TRIM28: variants seen among roughly 807,000 people sequenced by gnomAD.
TRIM28 encodes the protein tripartite motif containing 28.
Under a neutral mutation model 87.4 loss-of-function variants are expected in TRIM28, and 8 were observed. The ratio of observed to expected loss-of-function variants is 0.09; its 90% CI spans 0.05 to 0.17. The LOEUF is 0.17. Ranked by LOEUF, TRIM28 falls within the 10% of genes least tolerant of loss-of-function variation. TRIM28 has a pLI of 1.00. For missense variants in TRIM28, 968 were observed against 1,131.8 expected (o/e 0.86, Z 2.08); for synonymous variants, 601 against 454.3 (o/e 1.32, Z -4.11).
At position 58,549,439 on chromosome 19, in the gene TRIM28, C is replaced by T. The variant is rs750720339; in HGVS notation, c.1771C>T (p.Arg591Cys). The change falls in exon 13 of 17, where the codon CGC becomes TGC. Residue 591 changes from arginine (R) to cysteine (C), a missense_variant. Arg to Cys is a radical substitution (Grantham distance 180, BLOSUM62 -3). Transcript: ENST00000253024. This position sits in a 1 kb window ranked among gnomAD's most constrained non-coding sequence, Gnocchi z 4.4. ...LAEGPGAEGP[R>C]LASPSGSTSS... ...GGAGGGTCCTGGTGCTGAGGGTCCCCGCCTGGCCTCACCTAGTGGCAGCAC... is the reference window on the plus strand; with the variant it reads ...GGAGGGTCCTGGTGCTGAGGGTCCCTGCCTGGCCTCACCTAGTGGCAGCAC... The T allele has an allele frequency of 3.0e-5, 49 of 1,608,808 alleles. No individual in the cohort carries two copies. Among genetic ancestry groups the T allele is most frequent in the African/African-American group, 1.5e-4 (11 of 74,832 alleles).
intron 10 of TRIM28, 42 bp from the exon 11 acceptor site, chr19:58,548,820 T>C: frequency 5.0e-6 from 8 of 1,614,014 alleles, no homozygotes; most frequent in Non-Finnish European, 6.8e-6. Context: ...CCCAGTGCTG[T>C]TTCTACCCCA....
intron 3 of TRIM28, among the ~76,000 whole-genome samples, chr19:58,546,842 C>T (rs2053765363): frequency 6.6e-6 from 1 of 152,082 alleles, no homozygotes; most frequent in Non-Finnish European, 1.5e-5. Context: ...GACCACCATT[C>T]TGAGGGTCCT....
Position 58,548,562 on chromosome 19 carries a change from C to A in TRIM28, c.1293C>A (p.Pro431=), listed in dbSNP as rs940616449. 7 of 1,613,646 alleles carry A rather than the reference C, an allele frequency of 4.3e-6. No homozygotes were observed. In the African/African-American group the frequency reaches 9.3e-5, roughly 22 times the overall value. The part of the protein sequence containing the change: ...APMAPPRAPG[P]LSKQGSGSSQ... ...TGGCCCCTCCAAGAGCCCCAGGGCC[C>A]CTGAGCAAGCAGGGCTCTGGCAGCA... The change falls in exon 9 of 17, where the codon CCC becomes CCA. Residue 431 remains proline, a synonymous_variant. Coordinates refer to ENST00000253024, the MANE Select transcript of TRIM28 (RefSeq NM_005762.3).
intron 3 of TRIM28, 163 bp from the exon 4 acceptor site, chr19:58,547,213 T>G: frequency 2.4e-6 from 2 of 819,456 alleles, no homozygotes; most frequent in Non-Finnish European, 3.8e-6. Flanking sequence ...AGCAAGGAGT[T>G]GGGCTTGCAG....
intron 5 of TRIM28, 22 bp from the exon 6 acceptor site, chr19:58,547,770 C>T: frequency 1.2e-6 from 2 of 1,613,906 alleles, no homozygotes; most frequent in South Asian, 1.1e-5. Flanking sequence ...CCCTACCTAG[C>T]CTGACCTGCT....
At chr19:58,547,337 T>G in intron 3 of TRIM28, 39 bp from the exon 4 acceptor site, 1 of 1,600,212 alleles carries the variant, frequency 6.2e-7, no homozygotes, top group Non-Finnish European at 8.6e-7. Flanking sequence ...TTGGGGGTGG[T>G]GAAGGGCAAG....
chr19:58,550,245 T>C lies in TRIM28; in HGVS notation c.2292T>C (p.Asp764=). 5 of 1,614,038 alleles carry C rather than the reference T, an allele frequency of 3.1e-6. No homozygotes were observed. In the South Asian group the frequency reaches 4.4e-5, roughly 14 times the overall value. ...GCTCCCCACAGGAGTTTGCCCAGGA[T>C]GTGGGCCGCATGTTCAAGCAATTCA... ...PYSSPQEFAQ[D]VGRMFKQFNK... Residue 764 remains aspartate, a synonymous_variant, in exon 16 of 17, where the codon GAT becomes GAC. Coordinates refer to ENST00000253024, the MANE Select transcript of TRIM28 (RefSeq NM_005762.3).
In TRIM28 at chr19:58,545,114, C is replaced by A. The variant is rs975855929; in HGVS notation, c.340+17C>A. The stretch of plus-strand genomic sequence containing the variant: ...ACGGCACCGGTAAGTACGAAGTGAT[C>A]GGTGCCACCCCTCCCCCTACTCTCT... On this transcript the variant is annotated intron_variant, in intron 1 of 16. Coordinates refer to ENST00000253024, the MANE Select transcript of TRIM28 (RefSeq NM_005762.3). 2 of 1,392,452 alleles carry A rather than the reference C, an allele frequency of 1.4e-6. No homozygotes were observed. Among genetic ancestry groups the A allele is most frequent in the South Asian group, 1.6e-5 (1 of 63,292 alleles). 86.3% of individuals were successfully genotyped at this position (1,392,452 alleles called of 1,614,324 possible).
chr19:58,545,055 G>T lies in TRIM28; in HGVS notation c.298G>T (p.Ala100Ser). Residue 100 changes from alanine (A) to serine (S), a missense_variant, in exon 1 of 17, where the codon GCC becomes TCC. By Grantham distance (99) the Ala-to-Ser change is moderately conservative. Transcript: ENST00000253024. ...ACLGPAAPAA[A>S]NSSGDGGAAG... Reference sequence around the variant, plus strand: ...CTTAGGGCCCGCGGCCCCCGCCGCCGCCAACAGCTCGGGGGACGGCGGGGC... The same window carrying T: ...CTTAGGGCCCGCGGCCCCCGCCGCCTCCAACAGCTCGGGGGACGGCGGGGC... The T allele has an allele frequency of 6.9e-7, 1 of 1,456,428 alleles. No homozygotes were observed. The highest frequency in any genetic ancestry group is 1.5e-5 in the African/African-American group (1 of 68,062). 90.2% of individuals were successfully genotyped at this position (1,456,428 alleles called of 1,614,324 possible). A position where few individuals can be genotyped will look rare whatever the true frequency, so the allele number is the denominator to read the frequency against.
chr19:58,547,756 A>C (rs1235703469), intron 5 of TRIM28, 36 bp from the exon 6 acceptor site: 1 of 1,613,782 alleles, frequency 6.2e-7, no homozygotes, highest in East Asian at 2.2e-5. Flanking sequence ...CCAGGGCAGC[A>C]AGACCCTACC....
Position 58,548,528 on chromosome 19 carries a change from C to T in TRIM28, c.1259C>T (p.Pro420Leu). The T allele has an allele frequency of 6.2e-7, 1 of 1,614,052 alleles. No homozygotes were observed. The highest frequency in any genetic ancestry group is 8.5e-7 in the Non-Finnish European group (1 of 1,180,028). Residue 420 changes from proline to leucine, a missense_variant, in exon 9 of 17, where the codon CCT becomes CTT. Pro to Leu is a moderately conservative substitution (Grantham distance 98). Around this residue, in one of 11 missense-constraint regions of TRIM28, gnomAD observed 119 missense variants for 93.6 expected, o/e 1.27. Coordinates refer to ENST00000253024, the MANE Select transcript of TRIM28 (RefSeq NM_005762.3). The stretch of plus-strand genomic sequence containing the variant: ...CGTCCTGGCACTAACTCAACAGGCC[C>T]TGCACCCATGGCCCCTCCAAGAGCC... ...AERPGTNSTG[P>L]APMAPPRAPG...
At chr19:58,545,683 A>G (rs1335509275) in intron 2 of TRIM28, 81 bp from the exon 3 acceptor site, 2 of 1,563,820 alleles carry the variant, frequency 1.3e-6, no homozygotes, top group Admixed American at 1.8e-5. Flanking sequence ...CCAATCTTAA[A>G]TCTCCGGTTG....
chr19:58,548,543 C>T lies in TRIM28; in HGVS notation c.1274C>T (p.Pro425Leu), dbSNP rs200103554. The T allele has an allele frequency of 1.4e-5, 23 of 1,613,958 alleles. No homozygotes were observed. In the East Asian group the frequency reaches 4.2e-4, roughly 30 times the overall value. ...TNSTGPAPMA[P>L]PRAPGPLSKQ... ...TCAACAGGCCCTGCACCCATGGCCC[C>T]TCCAAGAGCCCCAGGGCCCCTGAGC... Residue 425 changes from proline (P) to leucine (L), a missense_variant, in exon 9 of 17, where the codon CCT (proline) becomes CTT (leucine). Coordinates refer to ENST00000253024, the MANE Select transcript of TRIM28 (RefSeq NM_005762.3).
In TRIM28 at chr19:58,549,217, C is replaced by A. The variant is rs371947385; in HGVS notation, c.1639C>A (p.Leu547Met). ...TGCAGGAACCCCTGGTGCCCCACCC[C>A]TGGCTGGCATGGCCATTGTCAAGGT... Reference protein sequence around the residue: ...APAGTPGAPPLAGMAIVKEEE... With the variant: ...APAGTPGAPPMAGMAIVKEEE... The change falls in exon 12 of 17, where the codon CTG becomes ATG. Residue 547 changes from leucine (L) to methionine (M), a missense_variant. Physicochemically the swap from Leu to Met is conservative, Grantham distance 15. Transcript: ENST00000253024. This position sits in a 1 kb window ranked among gnomAD's most constrained non-coding sequence, Gnocchi z 4.4. 3.1e-6 allele frequency: 5 copies of A among 1,613,714 alleles called. No homozygotes were observed. The Admixed American group carries it at 5.0e-5, about 16-fold the overall frequency.
At chr19:58,550,085 G>A (rs747098599) in intron 15 of TRIM28, 50 bp downstream of exon 15, 67 of 1,613,130 alleles carry the variant, frequency 4.2e-5, no homozygotes, top group Non-Finnish European at 5.2e-5. Context: ...GCTGGGTCTC[G>A]CCCTCAACCT....
intron 8 of TRIM28, 25 bp from the exon 9 acceptor site, chr19:58,548,461 T>C (rs1235863709): frequency 6.2e-7 from 1 of 1,613,952 alleles, no homozygotes; most frequent in Non-Finnish European, 8.5e-7. Flanking sequence ...CTGCACCTAC[T>C]TACGTTTCTC....
At position 58,549,819 on chromosome 19, in the gene TRIM28, A is replaced by G; in HGVS notation, c.2065A>G (p.Ser689Gly). 5.0e-6 allele frequency: 8 copies of G among 1,612,882 alleles called. No individual in the cohort carries two copies. Among genetic ancestry groups the G allele is most frequent in the Non-Finnish European group, 6.8e-6 (8 of 1,178,960 alleles). ...DGSLSLDGAD[S>G]TGVVAKLSPA... ...CAGCCTCAGCCTGGATGGTGCAGAC[A>G]GCACTGGCGTGGTGGCCAAGCTCTC... The change falls in exon 14 of 17, where the codon AGC (serine) becomes GGC (glycine). Residue 689 changes from serine to glycine, a missense_variant. Physicochemically the swap from Ser to Gly is moderately conservative, Grantham distance 56. Around this residue, in one of 11 missense-constraint regions of TRIM28, gnomAD observed 192 missense variants for 225.6 expected, o/e 0.85. Coordinates refer to ENST00000253024, the MANE Select transcript of TRIM28 (RefSeq NM_005762.3). The surrounding 1 kb of genome is among the most constrained non-coding windows in gnomAD (Gnocchi z 4.4).
At position 58,548,476 on chromosome 19, in the gene TRIM28, CT is replaced by C. The variant is rs749488997; in HGVS notation, c.1217-5del. On this transcript the variant is annotated splice_polypyrimidine_tract_variant and intron_variant, in intron 8 of 16. Coordinates refer to ENST00000253024, the MANE Select transcript of TRIM28 (RefSeq NM_005762.3). The stretch of plus-strand genomic sequence containing the variant: ...CTGCACCTACTTACGTTTCTCTCTT[CT>C]TTTTGCAGGCAAGATTGTGGCAGAG... 2.5e-6 allele frequency: 4 copies of C among 1,614,102 alleles called. No individual in the cohort carries two copies. Among genetic ancestry groups the C allele is most frequent in the East Asian group, 2.2e-5 (1 of 44,882 alleles).
Position 58,549,165 on chromosome 19 carries a change from A to G in TRIM28, c.1587A>G (p.Ala529=), listed in dbSNP as rs368015292. 2.9e-5 allele frequency: 46 copies of G among 1,613,938 alleles called. No homozygotes were observed. Among genetic ancestry groups the G allele is most frequent in the Admixed American group, 1.8e-4 (11 of 60,008 alleles). The part of the protein sequence containing the change: ...LIVIERGAAA[A]ATGQPGTAPA... Reference sequence around the variant, plus strand: ...TTATTGAACGTGGCGCTGCCGCTGCAGCTACCGGCCAGCCAGGGACTGCGC... The same window carrying G: ...TTATTGAACGTGGCGCTGCCGCTGCGGCTACCGGCCAGCCAGGGACTGCGC... Residue 529 remains alanine (A), a synonymous_variant, in exon 12 of 17, where the codon GCA becomes GCG. Coordinates refer to ENST00000253024, the MANE Select transcript of TRIM28 (RefSeq NM_005762.3). The surrounding 1 kb of genome is among the most constrained non-coding windows in gnomAD (Gnocchi z 4.4).
Sources: gnomAD v4.1 joint callset for allele counts (sites outside exome capture counted in the v4.1 genomes callset) on GRCh38, gnomAD v4.1.1 for gene constraint, gnomAD v4.1.1 regional missense constraint, Gnocchi (gnomAD v3.1) non-coding constraint, MANE v1.5 for transcripts, NCBI Gene and HGNC (gene_info 2026-07-23, HGNC 2026-07-21) for gene names.